Variants in GRIN2A observed in about 807,000 individuals in gnomAD.
The protein encoded by GRIN2A is glutamate ionotropic receptor NMDA type subunit 2A.
In GRIN2A, 22 loss-of-function variants were observed where a neutral mutation model predicts 113.4. That is an observed-to-expected ratio of 0.19 (90% confidence interval 0.14 to 0.28). The LOEUF (loss-of-function observed/expected upper bound fraction) is 0.28, where lower values mean the gene tolerates loss of function less well. Ranked by LOEUF, GRIN2A falls within the 10% of genes least tolerant of loss-of-function variation. The pLI is 1.00. For synonymous variants in GRIN2A, 827 were observed against 738.4 expected (o/e 1.12, Z -1.94); for missense variants, 1,502 against 1,887.0 (o/e 0.80, Z 3.78).
chr16:9,870,154 T>G (rs1193877656), intron 4 of GRIN2A, among the ~76,000 whole-genome samples: 1 of 152,182 alleles, frequency 6.6e-6, no homozygotes, highest in Non-Finnish European at 1.5e-5. Context: ...CAAAAGCCAC[T>G]TGGTGTTATT....
At chr16:9,769,195 C>T (rs1355638422) in intron 11 of GRIN2A, 106 bp from the exon 12 acceptor site, 1 of 878,070 alleles carries the variant, frequency 1.1e-6, no homozygotes, top group Non-Finnish European at 1.9e-6. Flanking sequence ...GCTATGTAAC[C>T]TTAAGACAAG....
At position 9,768,869 on chromosome 16, in the gene GRIN2A, C is replaced by T. The variant is rs2141149553; in HGVS notation, c.2577G>A (p.Leu859=). ...TACTGACCCTGCTGATGGAGAAGAG[C>T]AACCCAGGCCGGTCGGAGCACACGC... ...FTGVCSDRPG[L]LFSISRGIYS... Residue 859 remains leucine, a synonymous_variant, in exon 12 of 13, where the codon TTG becomes TTA. Transcript: ENST00000330684. The T allele has an allele frequency of 6.2e-7, 1 of 1,613,898 alleles. No homozygotes were observed. The highest frequency in any genetic ancestry group is 8.5e-7 in the Non-Finnish European group (1 of 1,179,766).
At chr16:9,831,668 A>C (rs2042498723) in intron 8 of GRIN2A, among the ~76,000 whole-genome samples, 1 of 151,862 alleles carries the variant, frequency 6.6e-6, no homozygotes, top group Non-Finnish European at 1.5e-5. Context: ...GGAGCATACC[A>C]CCACGCCCAG....
intron 2 of GRIN2A, among the ~76,000 whole-genome samples, chr16:10,141,425 T>C (rs1011611137): frequency 7.2e-5 from 11 of 151,780 alleles, no homozygotes; most frequent in African/African-American, 2.7e-4. Context: ...GAGGCAGAGG[T>C]TGCAGTGAGC....
intron 3 of GRIN2A, among the ~76,000 whole-genome samples, chr16:9,905,075 TTCTTAGTAAACACATCACTTCAA>T (rs1309877424): frequency 6.6e-6 from 1 of 152,238 alleles, no homozygotes; most frequent in African/African-American, 2.4e-5. Flanking sequence ...TCAAATCTAC[TTCTTAGTAAACACATCACTTCAA>T]TAAACATCCA....
chr16:10,097,315 C>A (rs1054981827), intron 2 of GRIN2A, among the ~76,000 whole-genome samples: 13 of 152,192 alleles, frequency 8.5e-5, no homozygotes, highest in Admixed American at 1.3e-4. Context: ...TGGTTTAAAG[C>A]ACACACTAAA....
chr16:9,971,114 G>A (rs1415252395), intron 2 of GRIN2A, among the ~76,000 whole-genome samples: 1 of 152,130 alleles, frequency 6.6e-6, no homozygotes. Flanking sequence ...GTATGAGGTG[G>A]GGTGAATTAA....
intron 2 of GRIN2A, among the ~76,000 whole-genome samples, chr16:10,097,287 C>T (rs780104632): frequency 4.6e-5 from 7 of 152,152 alleles, no homozygotes; most frequent in Non-Finnish European, 8.8e-5. Context: ...AATAAATGTG[C>T]TTAAATTAAA....
chr16:10,101,099 G>C (rs1027059170), intron 2 of GRIN2A, among the ~76,000 whole-genome samples: 1 of 152,214 alleles, frequency 6.6e-6, no homozygotes, highest in Non-Finnish European at 1.5e-5. Context: ...GGGGGACATG[G>C]GGCCCGGCAA....
intron 5 of GRIN2A, among the ~76,000 whole-genome samples, chr16:9,841,641 G>A (rs2042681542): frequency 6.6e-6 from 1 of 152,164 alleles, no homozygotes; most frequent in Admixed American, 6.5e-5. Context: ...CAACACCTCA[G>A]CCAAGAATCA....
chr16:9,956,776 A>G (rs961627160), intron 2 of GRIN2A, among the ~76,000 whole-genome samples: 5 of 152,320 alleles, frequency 3.3e-5, no homozygotes, highest in Admixed American at 2.0e-4. Context: ...ATGGTTGAAG[A>G]CTTCTCCAAA....
intron 3 of GRIN2A, among the ~76,000 whole-genome samples, chr16:9,937,104 C>A (rs538216784): frequency 1.3e-5 from 2 of 152,090 alleles, no homozygotes; most frequent in African/African-American, 2.4e-5. Flanking sequence ...GTTTATAAGA[C>A]AAATGATGAA....
At chr16:9,850,682 C>A (rs1038068506) in intron 4 of GRIN2A, among the ~76,000 whole-genome samples, 1 of 152,072 alleles carries the variant, frequency 6.6e-6, no homozygotes, top group African/African-American at 2.4e-5. Flanking sequence ...AGATACAGTT[C>A]TATTTAAGTT....
chr16:10,042,449 C>T (rs1207551183), intron 2 of GRIN2A, among the ~76,000 whole-genome samples: 2 of 152,134 alleles, frequency 1.3e-5, no homozygotes, highest in Non-Finnish European at 1.5e-5. Context: ...ACAAGCCATC[C>T]ATGCCAGCCA....
intron 2 of GRIN2A, among the ~76,000 whole-genome samples, chr16:10,030,429 T>C (rs1301698057): frequency 1.3e-5 from 2 of 152,178 alleles, no homozygotes; most frequent in Admixed American, 1.3e-4. Context: ...TCCAGTCACG[T>C]GCTCAGACTT....
At chr16:9,825,371 A>G (rs2042367222) in intron 9 of GRIN2A, among the ~76,000 whole-genome samples, 1 of 152,182 alleles carries the variant, frequency 6.6e-6, no homozygotes, top group African/African-American at 2.4e-5. Context: ...CAAACAATGA[A>G]GCCTGTCTCC....
At chr16:10,118,191 C>T (rs557067935) in intron 2 of GRIN2A, among the ~76,000 whole-genome samples, 1 of 152,252 alleles carries the variant, frequency 6.6e-6, no homozygotes, top group Middle Eastern at 3.4e-3. Context: ...AAGACGTTCT[C>T]GAAGACATTG....
chr16:9,841,473 TTAGAC>T (rs1358839343), intron 5 of GRIN2A, among the ~76,000 whole-genome samples: 1 of 152,190 alleles, frequency 6.6e-6, no homozygotes, highest in Non-Finnish European at 1.5e-5. Context: ...ATACACAACT[TTAGAC>T]TAGAGTTTAG....
chr16:10,071,538 C>T (rs2047750640), intron 2 of GRIN2A, among the ~76,000 whole-genome samples: 1 of 152,256 alleles, frequency 6.6e-6, no homozygotes, highest in African/African-American at 2.4e-5. Context: ...GCATTATGCC[C>T]CCAGGATGAA....
Sources: allele counts gnomAD v4.1 joint callset (sites outside exome capture counted in the v4.1 genomes callset), GRCh38; gene constraint gnomAD v4.1.1; transcripts MANE v1.5; gene names NCBI Gene and HGNC (gene_info 2026-07-23, HGNC 2026-07-21).